The following SEL1L3 variants were observed in gnomAD, a reference collection of about 807,000 sequenced individuals.
The protein encoded by SEL1L3 is SEL1L family member 3.
SEL1L3 carries 76 observed loss-of-function variants against 142.8 expected under a neutral mutation model. That is an observed-to-expected ratio of 0.53 (90% confidence interval 0.44 to 0.64). The LOEUF (loss-of-function observed/expected upper bound fraction) is 0.64, where lower values mean the gene tolerates loss of function less well. Among genes scored for constraint, SEL1L3 ranks in the 30% least tolerant of loss-of-function variants. SEL1L3 has a pLI of 0.00. For missense variants in SEL1L3, 1,262 were observed against 1,381.7 expected, an observed-to-expected ratio of 0.91 and a Z score of 1.37; for synonymous variants, 504 against 519.6, an observed-to-expected ratio of 0.97 and a Z score of 0.41.
At position 25,822,144 on chromosome 4, in the gene SEL1L3, A is replaced by C; in HGVS notation, c.1158-16T>G. On this transcript the variant is annotated splice_polypyrimidine_tract_variant and intron_variant, in intron 6 of 23. Transcript: ENST00000399878. ...CTCCCGGAAGCTAGAGAAGAGAATG[A>C]AGGATTAAGAGAGCTCCATGCCGGA... is the stretch of plus-strand genomic sequence containing the variant. 1 of 1,613,886 alleles carries C rather than the reference A, an allele frequency of 6.2e-7. No individual in the cohort carries two copies. Among genetic ancestry groups the C allele is most frequent in the Non-Finnish European group, 8.5e-7 (1 of 1,179,792 alleles).
intron 2 of SEL1L3, among the ~76,000 whole-genome samples, chr4:25,845,138 G>A (rs536549994): frequency 3.5e-4 from 54 of 152,294 alleles, no homozygotes; most frequent in African/African-American, 1.3e-3. Flanking sequence ...TTTTGATTTT[G>A]CACTGTAGTT....
intron 14 of SEL1L3, among the ~76,000 whole-genome samples, chr4:25,783,639 A>G (rs978009579): frequency 1.3e-5 from 2 of 152,216 alleles, no homozygotes; most frequent in African/African-American, 4.8e-5. Context: ...GTGTGCATGT[A>G]TGTGCATGTG....
chr4:25,736,051 CA>C, the SEL1L3 span, among the ~76,000 whole-genome samples: 1 of 151,502 alleles, frequency 6.6e-6, no homozygotes, highest in Non-Finnish European at 1.5e-5. Context: ...GGATGGTCTC[CA>C]TCTCCTGACC....
In SEL1L3 at chr4:25,822,147, G is replaced by T; in HGVS notation, c.1158-19C>A. The T allele has an allele frequency of 6.2e-7, 1 of 1,602,182 alleles. No individual in the cohort carries two copies. The highest frequency in any genetic ancestry group is 8.5e-7 in the Non-Finnish European group (1 of 1,169,664). On this transcript the variant is annotated intron_variant, in intron 6 of 23. Transcript: ENST00000399878. ...CCGGAAGCTAGAGAAGAGAATGAAG[G>T]ATTAAGAGAGCTCCATGCCGGAACT...
At chr4:25,850,351 T>C (rs1716801259) in intron 1 of SEL1L3, among the ~76,000 whole-genome samples, 1 of 152,160 alleles carries the variant, frequency 6.6e-6, no homozygotes, top group Non-Finnish European at 1.5e-5. Context: ...TAAATGCTCA[T>C]TCATAGTAAG....
rs949313977 is a variant in SEL1L3 at position 25,750,460 on chromosome 4, G to A, written c.3260-1896C>T. On this transcript the variant is annotated intron_variant, in intron 23 of 23. Coordinates refer to ENST00000399878, the MANE Select transcript of SEL1L3 (RefSeq NM_015187.5). ...AAAAAGAAAGAATACGTGGGACTAT[G>A]TTGGATTCACATGTGAAATGAGAGA... Among the ~76,000 whole-genome samples, 4 of 152,176 alleles carry A rather than the reference G, an allele frequency of 2.6e-5. No individual in the cohort carries two copies. The East Asian group carries it at 5.8e-4, about 22-fold the overall frequency.
the SEL1L3 span, among the ~76,000 whole-genome samples, chr4:25,742,174 A>G: frequency 6.6e-6 from 1 of 151,720 alleles, no homozygotes; most frequent in African/African-American, 2.4e-5. Context: ...TCTTTAATTC[A>G]TTTGAAGTAT....
At chr4:25,818,358 C>T (rs1367458201) in intron 8 of SEL1L3, 80 bp from the exon 9 acceptor site, 5 of 1,249,770 alleles carry the variant, frequency 4.0e-6, no homozygotes, top group Admixed American at 6.2e-5. Context: ...TTCTTCCTAA[C>T]AGGAACTAGA....
At position 25,819,820 on chromosome 4, in the gene SEL1L3, T is replaced by G. The variant is rs537017350; in HGVS notation, c.1411A>C (p.Arg471=). Residue 471 remains arginine, a synonymous_variant, in exon 8 of 24, where the codon AGA becomes CGA. Transcript: ENST00000399878. ...YASAAKHGGE[R]QEACHLHNSY... is the part of the protein sequence containing the mutation. ...GCTCAACACTTACATGCTTCTTGTC[T>G]CTCGCCCCCGTGCTTTGCTGCAGAT... is the stretch of plus-strand genomic sequence containing the variant. 2 of 1,611,894 alleles carry G rather than the reference T, an allele frequency of 1.2e-6. No homozygotes were observed. Among genetic ancestry groups the G allele is most frequent in the Non-Finnish European group, 1.7e-6 (2 of 1,179,230 alleles).
chr4:25,721,051 T>C, the SEL1L3 span: 9 of 152,128 alleles, frequency 5.9e-5, no homozygotes, highest in African/African-American at 1.7e-4. Context: ...TTATTCCATA[T>C]TGGAGGTTGC....
chr4:25,816,239 T>A lies in SEL1L3; in HGVS notation c.1564+1899A>T, dbSNP rs188959991. ...CTATATATACATATACATATATAGA[T>A]CAATTTATTGAACCCAATACTAGAA... On this transcript the variant is annotated intron_variant, in intron 9 of 23. Transcript: ENST00000399878. Among the ~76,000 whole-genome samples the A allele has an allele frequency of 2.3e-4, 35 of 151,392 alleles. No individual in the cohort carries two copies. In the East Asian group the frequency reaches 6.4e-3, roughly 28 times the overall value.
the SEL1L3 span, among the ~76,000 whole-genome samples, chr4:25,726,300 C>T: frequency 1.3e-4 from 20 of 151,742 alleles, 1 homozygote; most frequent in South Asian, 8.4e-4. Context: ...GAGGCCAAGG[C>T]GGGCAGATCA....
chr4:25,783,893 C>T (rs1276258196), intron 14 of SEL1L3, among the ~76,000 whole-genome samples: 1 of 152,112 alleles, frequency 6.6e-6, no homozygotes, highest in Non-Finnish European at 1.5e-5. Context: ...CATTAATACC[C>T]ATCCAATTTC....
chr4:25,839,690 G>A (rs1185640695), intron 2 of SEL1L3, among the ~76,000 whole-genome samples: 2 of 152,204 alleles, frequency 1.3e-5, no homozygotes, highest in Admixed American at 6.5e-5. Flanking sequence ...TTACTTCTGG[G>A]AAAAGGACCA....
At chr4:25,753,636 C>T (rs1177019615) in intron 23 of SEL1L3, among the ~76,000 whole-genome samples, 1 of 152,226 alleles carries the variant, frequency 6.6e-6, no homozygotes, top group Non-Finnish European at 1.5e-5. Context: ...CTCGATTTCC[C>T]TGCCCCATCA....
At chr4:25,748,678 C>A in intron 23 of SEL1L3, 114 bp from the exon 24 acceptor site, 1 of 1,060,402 alleles carries the variant, frequency 9.4e-7, no homozygotes, top group Non-Finnish European at 1.3e-6. Flanking sequence ...TCTAATGAAC[C>A]TGACACTAAC....
chr4:25,807,954 A>G (rs759413512), intron 9 of SEL1L3, among the ~76,000 whole-genome samples: 4 of 152,222 alleles, frequency 2.6e-5, no homozygotes, highest in Non-Finnish European at 5.9e-5. Context: ...TTTCTCTGAA[A>G]AAGAATCAAA....
intron 1 of SEL1L3, among the ~76,000 whole-genome samples, chr4:25,848,200 C>T (rs1241405764): frequency 6.6e-6 from 1 of 152,200 alleles, no homozygotes; most frequent in Admixed American, 6.5e-5. Context: ...GCAAGGGAAC[C>T]TGCCTTAGAA....
intron 20 of SEL1L3, among the ~76,000 whole-genome samples, chr4:25,762,974 C>T (rs1183943588): frequency 8.9e-6 from 1 of 112,926 alleles, no homozygotes; most frequent in South Asian, 2.9e-4. Context: ...GACTCTGTGT[C>T]AAAAAAAAAA....
Sources: gnomAD v4.1 joint callset for allele counts (sites outside exome capture counted in the v4.1 genomes callset) on GRCh38, gnomAD v4.1.1 for gene constraint, MANE v1.5 for transcripts, NCBI Gene and HGNC (gene_info 2026-07-23, HGNC 2026-07-21) for gene names.